Variants in CMC1 observed in about 807,000 individuals in gnomAD.
CMC1 encodes COX assembly mitochondrial protein homolog.
CMC1 carries 14 observed loss-of-function variants against 14.1 expected under a neutral mutation model. The ratio of observed to expected loss-of-function variants is 0.99; its 90% CI spans 0.66 to 1.55. The LOEUF (loss-of-function observed/expected upper bound fraction) is 1.55. Ranked by LOEUF, CMC1 falls within the 40% of genes most tolerant of loss-of-function variation. The probability of loss-of-function intolerance (pLI) is 0.00; values close to 1 mark genes in which losing one functional copy is unlikely to be tolerated. For synonymous variants in CMC1, 50 were observed against 38.4 expected, an observed-to-expected ratio of 1.30 and a Z score of -1.12; for missense variants, 127 against 123.8, an observed-to-expected ratio of 1.03 and a Z score of -0.12.
intron 2 of CMC1, chr3:28,315,160 T>A (rs538383153): frequency 1.3e-5 from 2 of 152,364 alleles, no homozygotes; most frequent in South Asian, 4.1e-4. Context: ...CCAGAGTAGT[T>A]CATGAGAGTA....
intron 3 of CMC1, chr3:28,317,041 G>C (rs1702960029): frequency 6.6e-6 from 1 of 152,040 alleles, no homozygotes; most frequent in Admixed American, 6.6e-5. Flanking sequence ...TAAGATTGCA[G>C]AATACTTTAG....
chr3:28,318,710 C>G (rs1214107218), intron 3 of CMC1: 2 of 152,860 alleles, frequency 1.3e-5, no homozygotes, highest in East Asian at 3.9e-4. Flanking sequence ...TGCACATCAT[C>G]TCTTCCTTTT....
intron 1 of CMC1, among the ~76,000 whole-genome samples, chr3:28,249,392 CTT>C: frequency 6.6e-6 from 1 of 152,268 alleles, no homozygotes; most frequent in South Asian, 2.1e-4. Flanking sequence ...TACTAAAACT[CTT>C]TTAAATATAC....
chr3:28,305,951 C>T (rs931959700), intron 2 of CMC1, among the ~76,000 whole-genome samples: 5 of 151,646 alleles, frequency 3.3e-5, no homozygotes, highest in African/African-American at 1.2e-4. Flanking sequence ...GTATCCTCTC[C>T]CCAGTGTTTA....
At chr3:28,307,983 A>G (rs945198865) in intron 2 of CMC1, among the ~76,000 whole-genome samples, 9 of 152,066 alleles carry the variant, frequency 5.9e-5, no homozygotes, top group Non-Finnish European at 5.9e-5. Flanking sequence ...AATCTCTCTG[A>G]CTCTGCTTCC....
chr3:28,308,571 A>G (rs1276423432), intron 2 of CMC1, among the ~76,000 whole-genome samples: 1 of 152,226 alleles, frequency 6.6e-6, no homozygotes, highest in Non-Finnish European at 1.5e-5. Flanking sequence ...AAATGATCCT[A>G]GTTGATAAAA....
intron 2 of CMC1, among the ~76,000 whole-genome samples, chr3:28,275,102 C>T (rs917305277): frequency 2.0e-5 from 3 of 152,134 alleles, no homozygotes; most frequent in African/African-American, 7.2e-5. Flanking sequence ...TCAGTTCATC[C>T]ATTTCAGCCT....
chr3:28,301,032 T>C (rs1371866414), intron 2 of CMC1, among the ~76,000 whole-genome samples: 1 of 151,652 alleles, frequency 6.6e-6, no homozygotes, highest in African/African-American at 2.4e-5. Context: ...CTATTTTTTT[T>C]AGTGGCTACA....
chr3:28,302,275 A>G (rs145752934), intron 2 of CMC1, among the ~76,000 whole-genome samples: 1 of 152,338 alleles, frequency 6.6e-6, no homozygotes, highest in East Asian at 1.9e-4. Context: ...AAGGCAAAGC[A>G]TCTACTAGTG....
Position 28,260,547 on chromosome 3 carries a change from A to G in CMC1, c.20-2744A>G, listed in dbSNP as rs540187359. 9.9e-4 allele frequency among the ~76,000 whole-genome samples: 147 copies of G among 148,102 alleles called. 1 individual carries two copies. The highest frequency in any genetic ancestry group is 1.9e-3 in the Admixed American group (28 of 15,030). ...ATCTTATCCTCTCGAACCAGCTTTA[A>G]TTTCATTGTTTTTTTTTTCTTTTAT... On this transcript the variant is annotated intron_variant, in intron 1 of 3. Transcript: ENST00000466830.
chr3:28,249,367 T>C (rs914809618), intron 1 of CMC1, among the ~76,000 whole-genome samples: 2 of 152,244 alleles, frequency 1.3e-5, no homozygotes, highest in Non-Finnish European at 1.5e-5. Flanking sequence ...TTACAGTGTA[T>C]CTGTAACTAT....
intron 2 of CMC1, among the ~76,000 whole-genome samples, chr3:28,287,515 A>G (rs1701247693): frequency 6.6e-6 from 1 of 152,158 alleles, no homozygotes; most frequent in African/African-American, 2.4e-5. Flanking sequence ...TTGTGTAAAT[A>G]GTAAATATGT....
At chr3:28,254,822 T>C (rs960496112) in intron 1 of CMC1, among the ~76,000 whole-genome samples, 1 of 152,240 alleles carries the variant, frequency 6.6e-6, no homozygotes, top group Non-Finnish European at 1.5e-5. Context: ...TTTTGTAATT[T>C]TGTATAATCC....
chr3:28,282,300 T>G (rs1303578950), intron 2 of CMC1, among the ~76,000 whole-genome samples: 2 of 152,196 alleles, frequency 1.3e-5, no homozygotes, highest in African/African-American at 4.8e-5. Context: ...TAAAGAGACG[T>G]CCCTATCTCA....
chr3:28,267,357 G>A (rs981263853), intron 2 of CMC1, among the ~76,000 whole-genome samples: 1 of 152,024 alleles, frequency 6.6e-6, no homozygotes, highest in Admixed American at 6.6e-5. Flanking sequence ...GGATAATGAC[G>A]TTTGCTTTAG....
intron 2 of CMC1, among the ~76,000 whole-genome samples, chr3:28,311,218 A>T (rs1702624615): frequency 6.6e-6 from 1 of 150,648 alleles, no homozygotes; most frequent in South Asian, 2.1e-4. Context: ...GAAAAGATTT[A>T]CTGGTGCACT....
Position 28,307,574 on chromosome 3 carries a change from TGAA to T in CMC1, c.110-8756_110-8754del, listed in dbSNP as rs372981919. Among the ~76,000 whole-genome samples the T allele has an allele frequency of 3.0e-3, 455 of 152,338 alleles. 6 individuals carry two copies. Among genetic ancestry groups the T allele is most frequent in the African/African-American group, 0.01 (434 of 41,586 alleles). On this transcript the variant is annotated intron_variant, in intron 2 of 3. Transcript: ENST00000466830. The stretch of plus-strand genomic sequence containing the variant: ...AAAATTCATCTGGGATACTGTCACC[TGAA>T]GACTTATAGTCAATATGATTATGTG...
chr3:28,243,733 C>A (rs1698657267), intron 1 of CMC1, among the ~76,000 whole-genome samples: 1 of 152,164 alleles, frequency 6.6e-6, no homozygotes, highest in South Asian at 2.1e-4. Context: ...AACAGTAGTA[C>A]ATAGGACAAA....
intron 2 of CMC1, among the ~76,000 whole-genome samples, chr3:28,299,823 TA>T (rs1701932413): frequency 6.6e-6 from 1 of 152,106 alleles, no homozygotes; most frequent in Non-Finnish European, 1.5e-5. Flanking sequence ...TCTTCAGAAA[TA>T]AAAATAGAGT....
Sources: allele counts gnomAD v4.1 joint callset (sites outside exome capture counted in the v4.1 genomes callset), GRCh38; gene constraint gnomAD v4.1.1; transcripts MANE v1.5; gene names NCBI Gene and HGNC (gene_info 2026-07-23, HGNC 2026-07-21).